The following RAB3B variants were observed in gnomAD, a reference collection of about 807,000 sequenced individuals.
RAB3B encodes RAB3B, member RAS oncogene family.
Under a neutral mutation model 20.5 loss-of-function variants are expected in RAB3B, and 11 were observed. The observed-to-expected ratio is 0.54, with a 90% CI of 0.34 to 0.89. RAB3B has a LOEUF of 0.89. Ranked by LOEUF, RAB3B falls within the 40% of genes least tolerant of loss-of-function variation. The pLI, the probability that RAB3B is intolerant of heterozygous loss-of-function variation, is 0.02. For synonymous variants in RAB3B, 99 were observed against 106.3 expected, an observed-to-expected ratio of 0.93 and a Z score of 0.42; for missense variants, 225 against 280.9, an observed-to-expected ratio of 0.80 and a Z score of 1.42.
chr1:51,912,594 TATATATAAAA>T lies in RAB3B; in HGVS notation c.*7323_*7332del, dbSNP rs1684021106. The T allele has an allele frequency of 5.7e-5, 2 of 35,266 alleles. No individual in the cohort carries two copies. Among genetic ancestry groups the T allele is most frequent in the African/African-American group, 2.0e-4 (2 of 9,978 alleles). 2.2% of individuals were successfully genotyped at this position (35,266 alleles called of 1,614,324 possible). On this transcript the variant is annotated 3_prime_UTR_variant, in exon 5 of 5. Coordinates refer to ENST00000371655, the MANE Select transcript of RAB3B (RefSeq NM_002867.4). Reference sequence around the variant, plus strand: ...ATATATATATATATATATATATATATATATATAAAAAATGTTACTCCTGTGAGACAGAATG... The same window carrying T: ...ATATATATATATATATATATATATATAATGTTACTCCTGTGAGACAGAATG...
At chr1:51,958,450 G>C (rs75772243) in intron 2 of RAB3B, among the ~76,000 whole-genome samples, 4 of 152,200 alleles carry the variant, frequency 2.6e-5, no homozygotes. Flanking sequence ...TCGGCCGGGC[G>C]CGGTGGCTCA....
rs1387532755 is a variant in RAB3B at position 51,990,650 on chromosome 1, G to C, written c.-99C>G. ...GGCGCGGAGGGGGCCGGGGCGGGGC[G>C]CTGCGGGATGGTCTGGTCCGGTCAG... On this transcript the variant is annotated 5_prime_UTR_variant, in exon 1 of 5. Coordinates refer to ENST00000371655, the MANE Select transcript of RAB3B (RefSeq NM_002867.4). The C allele has an allele frequency of 6.6e-6, 1 of 152,344 alleles. No homozygotes were observed. Among genetic ancestry groups the C allele is most frequent in the Non-Finnish European group, 1.5e-5 (1 of 68,228 alleles). 9.4% of individuals were successfully genotyped at this position (152,344 alleles called of 1,614,324 possible).
chr1:51,928,633 G>T (rs76325561), intron 4 of RAB3B, among the ~76,000 whole-genome samples: 4,575 of 152,252 alleles, frequency 0.03, 106 homozygotes, highest in South Asian at 0.088. Flanking sequence ...ACTGTTCCCA[G>T]ATCTGATCAT....
At chr1:51,962,450 G>A (rs975595109) in intron 2 of RAB3B, among the ~76,000 whole-genome samples, 1 of 152,142 alleles carries the variant, frequency 6.6e-6, no homozygotes, top group East Asian at 1.9e-4. Context: ...TAAATGCAGG[G>A]ATCAAAAGGA....
intron 1 of RAB3B, among the ~76,000 whole-genome samples, chr1:51,979,800 T>C (rs940525620): frequency 5.3e-5 from 8 of 152,058 alleles, no homozygotes; most frequent in Admixed American, 2.0e-4. Flanking sequence ...TCCCAGCACT[T>C]TGGGAGGCCG....
chr1:51,975,768 C>T (rs777472029), intron 2 of RAB3B, among the ~76,000 whole-genome samples: 5 of 152,110 alleles, frequency 3.3e-5, no homozygotes, highest in Admixed American at 6.6e-5. Context: ...CCGAGGTGGG[C>T]GGATCACAAG....
intron 4 of RAB3B, among the ~76,000 whole-genome samples, chr1:51,923,311 A>G (rs1238550695): frequency 6.6e-6 from 1 of 152,202 alleles, no homozygotes; most frequent in Non-Finnish European, 1.5e-5. Context: ...TAACATTCTA[A>G]CCCAGGTAGA....
intron 2 of RAB3B, among the ~76,000 whole-genome samples, chr1:51,944,795 T>A (rs760946442): frequency 2.1e-4 from 32 of 152,206 alleles, no homozygotes; most frequent in Non-Finnish European, 4.3e-4. Context: ...AGATGGAGTC[T>A]ACTCTGGTGA....
chr1:51,937,293 C>T lies in RAB3B; in HGVS notation c.347+1G>A, dbSNP rs769305287. ...TGAATGAATGAATATGGGTCTCATA[C>T]CAGTCTTGGACAGCATTGAAGGACT... is the stretch of plus-strand genomic sequence containing the variant. On this transcript the variant is annotated splice_donor_variant, in intron 3 of 4. Coordinates refer to ENST00000371655, the MANE Select transcript of RAB3B (RefSeq NM_002867.4). LOFTEE classifies it high-confidence loss of function. 2 of 1,591,386 alleles carry T rather than the reference C, an allele frequency of 1.3e-6. No individual in the cohort carries two copies. The highest frequency in any genetic ancestry group is 8.6e-7 in the Non-Finnish European group (1 of 1,161,494).
chr1:51,944,916 A>G (rs4926903), intron 2 of RAB3B, among the ~76,000 whole-genome samples: 80,272 of 152,050 alleles, frequency 0.53, 22,418 homozygotes, highest in East Asian at 0.85. Context: ...TTTTTAAAGA[A>G]GTTCTACTAT....
chr1:51,986,270 C>T (rs1685150069), intron 1 of RAB3B, among the ~76,000 whole-genome samples: 1 of 151,864 alleles, frequency 6.6e-6, no homozygotes, highest in Non-Finnish European at 1.5e-5. Context: ...CCTGCCTCAG[C>T]CTCCCGAGTA....
chr1:51,964,514 ATT>A, intron 2 of RAB3B, among the ~76,000 whole-genome samples: 1 of 151,984 alleles, frequency 6.6e-6, no homozygotes, highest in Non-Finnish European at 1.5e-5. Flanking sequence ...ATGCAGACTC[ATT>A]TATCCAACTG....
At chr1:51,933,791 G>T (rs1684359916) in intron 3 of RAB3B, among the ~76,000 whole-genome samples, 1 of 152,168 alleles carries the variant, frequency 6.6e-6, no homozygotes, top group Non-Finnish European at 1.5e-5. Context: ...TAGTATTCTT[G>T]TTATAGCAGC....
chr1:51,910,080 G>A lies in RAB3B; in HGVS notation c.*9847C>T, dbSNP rs1014611031. The A allele has an allele frequency of 3.9e-5, 6 of 152,118 alleles. No individual in the cohort carries two copies. The highest frequency in any genetic ancestry group is 1.4e-4 in the African/African-American group (6 of 41,426). 9.4% of individuals were successfully genotyped at this position (152,118 alleles called of 1,614,324 possible). On this transcript the variant is annotated 3_prime_UTR_variant, in exon 5 of 5. Coordinates refer to ENST00000371655, the MANE Select transcript of RAB3B (RefSeq NM_002867.4). ...CTGAGGCTCCGGGAGTCATCTTCCC[G>A]AAGTCACAAAACTAGTGATGAAGAC...
chr1:51,934,370 T>C (rs1297154633), intron 3 of RAB3B, among the ~76,000 whole-genome samples: 1 of 152,098 alleles, frequency 6.6e-6, no homozygotes, highest in South Asian at 2.1e-4. Flanking sequence ...CTCCACCTCC[T>C]CCTATGTGAT....
Position 51,915,567 on chromosome 1 carries a change from A to T in RAB3B, c.*4360T>A, listed in dbSNP as rs938769167. On this transcript the variant is annotated 3_prime_UTR_variant, in exon 5 of 5. Transcript: ENST00000371655. ...CTATAGACTGAGGAGACAATGAGTCACGAATCACTTTGTATTTACAGATAC... is the reference window on the plus strand; with the variant it reads ...CTATAGACTGAGGAGACAATGAGTCTCGAATCACTTTGTATTTACAGATAC... The T allele has an allele frequency of 1.3e-5, 2 of 152,272 alleles. No homozygotes were observed. Among genetic ancestry groups the T allele is most frequent in the Admixed American group, 6.5e-5 (1 of 15,288 alleles). 9.4% of individuals were successfully genotyped at this position (152,272 alleles called of 1,614,324 possible).
intron 2 of RAB3B, among the ~76,000 whole-genome samples, chr1:51,952,011 T>C (rs1255503852): frequency 6.6e-6 from 1 of 152,250 alleles, no homozygotes; most frequent in Non-Finnish European, 1.5e-5. Context: ...TTCAGGACCC[T>C]GTCTAAATTC....
chr1:51,921,803 C>T (rs1684175710), intron 4 of RAB3B, among the ~76,000 whole-genome samples: 1 of 152,182 alleles, frequency 6.6e-6, no homozygotes, highest in African/African-American at 2.4e-5. Flanking sequence ...TTCCTCCCAC[C>T]TCCTCTCCAT....
In RAB3B at chr1:51,910,403, T is replaced by C. The variant is rs955638522; in HGVS notation, c.*9524A>G. On this transcript the variant is annotated 3_prime_UTR_variant, in exon 5 of 5. Transcript: ENST00000371655. ...GTGTCTCTTTTCAAACAAATGGGACTGTGCTCTATTCTCAACAAGTGTCAG... is the reference window on the plus strand; with the variant it reads ...GTGTCTCTTTTCAAACAAATGGGACCGTGCTCTATTCTCAACAAGTGTCAG... The C allele has an allele frequency of 6.6e-6, 1 of 152,214 alleles. No homozygotes were observed. Among genetic ancestry groups the C allele is most frequent in the Non-Finnish European group, 1.5e-5 (1 of 68,044 alleles). 9.4% of individuals were successfully genotyped at this position (152,214 alleles called of 1,614,324 possible).
Sources: gnomAD v4.1 joint callset for allele counts (sites outside exome capture counted in the v4.1 genomes callset) on GRCh38, gnomAD v4.1.1 for gene constraint, MANE v1.5 for transcripts, NCBI Gene and HGNC (gene_info 2026-07-23, HGNC 2026-07-21) for gene names.